The following MYRF variants were observed in gnomAD, a reference collection of about 807,000 sequenced individuals.
The protein encoded by MYRF is myelin gene regulatory factor.
Under a neutral mutation model 126.3 loss-of-function variants are expected in MYRF, and 16 were observed. The ratio of observed to expected loss-of-function variants is 0.13; its 90% CI spans 0.09 to 0.19. The LOEUF is 0.19. Among genes scored for constraint, MYRF ranks in the 10% least tolerant of loss-of-function variants. The pLI is 1.00. For missense variants in MYRF, 1,104 were observed against 1,547.0 expected (o/e 0.71, Z 4.80); for synonymous variants, 608 against 635.3 (o/e 0.96, Z 0.65).
chr11:61,784,750 T>A (rs914575945), intron 25 of MYRF: 6 of 207,240 alleles, frequency 2.9e-5, no homozygotes, highest in Non-Finnish European at 4.9e-5. Context: ...GCCGACCTCA[T>A]GCTCAGGTTG....
chr11:61,776,023 A>C lies in MYRF; in HGVS notation c.1312-33A>C, dbSNP rs777739397. The C allele has an allele frequency of 6.2e-7, 1 of 1,609,766 alleles. No homozygotes were observed. Among genetic ancestry groups the C allele is most frequent in the Non-Finnish European group, 8.5e-7 (1 of 1,176,346 alleles). The stretch of plus-strand genomic sequence containing the variant: ...AGGGCAGGACCAGCCGGGTAGCCCC[A>C]TCCTGAGGTGCCACTGGCTTCACTC... On this transcript the variant is annotated intron_variant, in intron 8 of 26. Coordinates refer to ENST00000278836, the MANE Select transcript of MYRF (RefSeq NM_001127392.3). This position sits in a 1 kb window ranked among gnomAD's most constrained non-coding sequence, Gnocchi z 4.3.
rs941232823 is a variant in MYRF, at chr11:61,783,773, T to A, written c.3120-78T>A. 8 of 1,458,436 alleles carry A rather than the reference T, an allele frequency of 5.5e-6. No homozygotes were observed. The African/African-American group carries it at 9.8e-5, about 18-fold the overall frequency. The allele number at this position is 1,458,436 out of a possible 1,614,324, so 90.3% of individuals were successfully genotyped here. On this transcript the variant is annotated intron_variant, in intron 23 of 26. Coordinates refer to ENST00000278836, the MANE Select transcript of MYRF (RefSeq NM_001127392.3). The surrounding 1 kb of genome is among the most constrained non-coding windows in gnomAD (Gnocchi z 4.6). ...TCTTCTGGAGGGCTCCAGTACAGATTGGGGGCTGAGGAGTCCCTGGTGGGG... is the reference window on the plus strand; with the variant it reads ...TCTTCTGGAGGGCTCCAGTACAGATAGGGGGCTGAGGAGTCCCTGGTGGGG...
rs1243390339 is a variant in MYRF at position 61,771,892 on chromosome 11, A to G, written c.1055A>G (p.Lys352Arg). 2 of 1,614,148 alleles carry G rather than the reference A, an allele frequency of 1.2e-6. No individual in the cohort carries two copies. Among genetic ancestry groups the G allele is most frequent in the South Asian group, 2.2e-5 (2 of 91,082 alleles). Residue 352 changes from lysine to arginine, a missense_variant, in exon 7 of 27, where the codon AAG becomes AGG. Physicochemically the swap from Lys to Arg is conservative, Grantham distance 26 (BLOSUM62 2). Transcript: ENST00000278836. ...CTGGACCCCAACTACCAGTCCATCA[A>G]GTGGCAGCCTCATCAGCAGAACAAG... ...SYLDPNYQSI[K>R]WQPHQQNKWA... is the part of the protein sequence containing the mutation.
chr11:61,769,424 C>T (rs879905200), intron 4 of MYRF, 103 bp downstream of exon 4: 83 of 858,240 alleles, frequency 9.7e-5, no homozygotes, highest in Middle Eastern at 7.6e-4. Flanking sequence ...AGCGGCTGCC[C>T]AACGGGCTGA....
In MYRF at chr11:61,776,303, C is replaced by G; in HGVS notation, c.1389-19C>G. ...AGCCTCCCTCCCTGCCCCCTGAGCA[C>G]CCTGCCTCTCCTCTGCAGGGTCAAT... On this transcript the variant is annotated intron_variant, in intron 9 of 26. Transcript: ENST00000278836. The surrounding 1 kb of genome is among the most constrained non-coding windows in gnomAD (Gnocchi z 4.3). The G allele has an allele frequency of 1.9e-6, 3 of 1,604,814 alleles. No individual in the cohort carries two copies. Among genetic ancestry groups the G allele is most frequent in the Non-Finnish European group, 2.6e-6 (3 of 1,174,864 alleles).
In MYRF at chr11:61,771,750, G is replaced by A; in HGVS notation, c.991G>A (p.Gly331Ser). 1 of 1,611,782 alleles carries A rather than the reference G, an allele frequency of 6.2e-7. No homozygotes were observed. ...PWHPPGAPSP[G>S]LLQDSDSLSG... ...GCACCCGCCAGGTGCCCCCTCCCCAGGTACATGGCTGGCCAACTCTTCAAG... is the reference window on the plus strand; with the variant it reads ...GCACCCGCCAGGTGCCCCCTCCCCAAGTACATGGCTGGCCAACTCTTCAAG... Residue 331 changes from glycine (G) to serine (S), a missense_variant and splice_region_variant, in exon 6 of 27, where the codon GGC becomes AGC. Coordinates refer to ENST00000278836, the MANE Select transcript of MYRF (RefSeq NM_001127392.3).
At position 61,786,357 on chromosome 11, in the gene MYRF, C is replaced by T. The variant is rs541224623; in HGVS notation, c.*214C>T. 5.7e-4 allele frequency: 335 copies of T among 590,862 alleles called. 4 individuals are homozygous for T. In the East Asian group the frequency reaches 9.3e-3, roughly 16 times the overall value. The allele number at this position is 590,862 out of a possible 1,614,324, so 36.6% of individuals were successfully genotyped here. On this transcript the variant is annotated 3_prime_UTR_variant, in exon 27 of 27. Transcript: ENST00000278836. This position sits in a 1 kb window ranked among gnomAD's most constrained non-coding sequence, Gnocchi z 4.5. The stretch of plus-strand genomic sequence containing the variant: ...ACAGAGGGAACCTGAGAGCCAGAGA[C>T]TTCTTGGGCCTTCCTGCCTGCCACC...
Position 61,779,228 on chromosome 11 carries a change from T to TTGGCCCA in MYRF, c.2014-9_2014-3dup, listed in dbSNP as rs534400107. The TTGGCCCA allele has an allele frequency of 1.1e-3, 1,714 of 1,527,404 alleles. No individual in the cohort carries two copies. The highest frequency in any genetic ancestry group is 1.5e-3 in the South Asian group (123 of 83,372). 94.6% of individuals were successfully genotyped at this position (1,527,404 alleles called of 1,614,324 possible). On this transcript the variant is annotated intron_variant, in intron 14 of 26. Transcript: ENST00000278836. ...CCCGGGGCTGACTGGGCCCTCTGTG[T>TTGGCCCA]TGGCCCATGGCCCATGGCCCATGGC... is the stretch of plus-strand genomic sequence containing the variant.
chr11:61,773,985 C>G lies in MYRF; in HGVS notation c.1134C>G (p.Arg378=). The change falls in exon 8 of 27, where the codon CGC becomes CGG. Residue 378 remains arginine (R), a synonymous_variant. Transcript: ENST00000278836. The part of the protein sequence containing the change: ...NYKELPMLTY[R]VDADKGFNFS... ...CCCCCAGGCCCATGCTCACCTACCG[C>G]GTGGATGCGGACAAGGGCTTCAACT... The G allele has an allele frequency of 6.2e-7, 1 of 1,612,456 alleles. No individual in the cohort carries two copies. Among genetic ancestry groups the G allele is most frequent in the Non-Finnish European group, 8.5e-7 (1 of 1,179,792 alleles).
chr11:61,767,425 G>C (rs1178533975), intron 3 of MYRF: 2 of 456,460 alleles, frequency 4.4e-6, no homozygotes, highest in South Asian at 3.1e-5. Context: ...ATGGCACACT[G>C]AGGCTCAGAG....
chr11:61,773,087 C>G (rs1057138596), intron 7 of MYRF, among the ~76,000 whole-genome samples: 17 of 151,260 alleles, frequency 1.1e-4, no homozygotes, highest in African/African-American at 4.1e-4. Context: ...CTCACTGCAA[C>G]CTCCGCCTCC....
rs1366723210 is a variant in MYRF at position 61,753,340 on chromosome 11, C to T, written c.46+550C>T. 6.6e-5 allele frequency among the ~76,000 whole-genome samples: 10 copies of T among 152,092 alleles called. No homozygotes were observed. The East Asian group carries it at 1.7e-3, about 27-fold the overall frequency. On this transcript the variant is annotated intron_variant, in intron 1 of 26. Transcript: ENST00000278836. ...CATGACTTCTAGGAGCTGGGACCTC[C>T]CCACTGTGCTTCCATGAGGGTAGGA...
rs986324624 is a variant in MYRF, at chr11:61,784,698, AG to A, written c.3300+316del. The A allele has an allele frequency of 1.7e-4, 48 of 289,594 alleles. No individual in the cohort carries two copies. In the Admixed American group the frequency reaches 2.1e-3, roughly 13 times the overall value. 17.9% of individuals were successfully genotyped at this position (289,594 alleles called of 1,614,324 possible). ...AGGTGTCTGGGAGCCCATGGCGGGG[AG>A]GGCTGTGGCTCACTGGAGGTGTCTG... On this transcript the variant is annotated intron_variant, in intron 25 of 26. Transcript: ENST00000278836.
chr11:61,754,032 A>G (rs889170607), intron 1 of MYRF: 1 of 152,500 alleles, frequency 6.6e-6, no homozygotes, highest in Non-Finnish European at 1.5e-5. Context: ...TCCTTGGTGC[A>G]TTGAGAACCT....
intron 24 of MYRF, 127 bp from the exon 25 acceptor site, chr11:61,784,153 G>T: frequency 5.9e-6 from 6 of 1,022,146 alleles, no homozygotes; most frequent in African/African-American, 1.6e-5. Context: ...TTGTTCGAGG[G>T]CCCTGGTTAT....
At chr11:61,763,900 A>G (rs2065973732) in intron 1 of MYRF, among the ~76,000 whole-genome samples, 1 of 152,188 alleles carries the variant, frequency 6.6e-6, no homozygotes, top group Non-Finnish European at 1.5e-5. Context: ...AACTCCTGTG[A>G]TTATTAATGT....
At position 61,771,518 on chromosome 11, in the gene MYRF, C is replaced by G. The variant is rs767997925; in HGVS notation, c.759C>G (p.Ser253=). The G allele has an allele frequency of 1.2e-6, 2 of 1,613,604 alleles. No individual in the cohort carries two copies. Among genetic ancestry groups the G allele is most frequent in the Non-Finnish European group, 1.7e-6 (2 of 1,179,724 alleles). The change falls in exon 6 of 27, where the codon TCC becomes TCG. Residue 253 remains serine (S), a synonymous_variant. Coordinates refer to ENST00000278836, the MANE Select transcript of MYRF (RefSeq NM_001127392.3). Reference sequence around the variant, plus strand: ...TCCCCAGGCTCCCTACACACCCCTCCAAGAAGAGGAAGCACTCTGAATCCC... The same window carrying G: ...TCCCCAGGCTCCCTACACACCCCTCGAAGAAGAGGAAGCACTCTGAATCCC... ...QHGAELPTHP[S]KKRKHSESPP... is the part of the protein sequence containing the mutation.
At chr11:61,760,350 G>A (rs2065866211) in intron 1 of MYRF, among the ~76,000 whole-genome samples, 1 of 152,232 alleles carries the variant, frequency 6.6e-6, no homozygotes, top group Admixed American at 6.5e-5. Context: ...CTGGTTGGGA[G>A]ATGAGCCACA....
rs1427664586 is a variant in MYRF at position 61,786,862 on chromosome 11, A to C, written c.*719A>C. On this transcript the variant is annotated 3_prime_UTR_variant, in exon 27 of 27. Transcript: ENST00000278836. The surrounding 1 kb of genome is among the most constrained non-coding windows in gnomAD (Gnocchi z 4.5). ...AGTCTACTCAGTGCCTGGTGAAGCCACCCTCAGCCCTTCACAGGCCTGAAC... is the reference window on the plus strand; with the variant it reads ...AGTCTACTCAGTGCCTGGTGAAGCCCCCCTCAGCCCTTCACAGGCCTGAAC... The C allele has an allele frequency of 6.5e-6, 1 of 152,836 alleles. No homozygotes were observed. The highest frequency in any genetic ancestry group is 1.5e-5 in the Non-Finnish European group (1 of 68,132). The allele number at this position is 152,836 out of a possible 1,614,324, so 9.5% of individuals were successfully genotyped here.
Sources: gnomAD v4.1 joint callset for allele counts (sites outside exome capture counted in the v4.1 genomes callset) on GRCh38, gnomAD v4.1.1 for gene constraint, Gnocchi (gnomAD v3.1) non-coding constraint, MANE v1.5 for transcripts, NCBI Gene and HGNC (gene_info 2026-07-23, HGNC 2026-07-21) for gene names.